ACVR1C: variants seen among roughly 807,000 people sequenced by gnomAD.
ACVR1C encodes the protein activin receptor type-1C.
In ACVR1C, 23 loss-of-function variants were observed where a neutral mutation model predicts 57.9. That is an observed-to-expected ratio of 0.40 (90% CI 0.29 to 0.56). The LOEUF is 0.56. Ranked by LOEUF, ACVR1C falls within the 20% of genes least tolerant of loss-of-function variation. ACVR1C has a pLI of 0.50. For missense variants in ACVR1C, 480 were observed against 607.9 expected, an observed-to-expected ratio of 0.79 and a Z score of 2.21; for synonymous variants, 214 against 215.3, an observed-to-expected ratio of 0.99 and a Z score of 0.05.
chr2:157,556,298 C>T lies in ACVR1C; in HGVS notation c.339G>A (p.Glu113=), dbSNP rs370534975. The change falls in exon 3 of 9, where the codon GAG becomes GAA. Residue 113 remains glutamate, a synonymous_variant. Transcript: ENST00000243349. ...SPNAPKLGPM[E]LAIIITVPVC... ...CAGGCACAGTAATAATGATGGCCAG[C>T]TCCATGGGTCCAAGTTTTGGGGCAT... 356 of 1,614,042 alleles carry T rather than the reference C, an allele frequency of 2.2e-4. No homozygotes were observed. Among genetic ancestry groups the T allele is most frequent in the Non-Finnish European group, 1.1e-4 (125 of 1,180,030 alleles).
In ACVR1C at chr2:157,544,620, GA is replaced by G. The variant is rs753890335; in HGVS notation, c.776-9del. The G allele has an allele frequency of 6.2e-7, 1 of 1,601,604 alleles. No homozygotes were observed. Among genetic ancestry groups the G allele is most frequent in the Non-Finnish European group, 8.5e-7 (1 of 1,173,702 alleles). Reference sequence around the variant, plus strand: ...GAGTCCAAGTTCCATTATCTAACAAGAAAATGTAATTTTGTTGTTGTAAATA... The same window carrying G: ...GAGTCCAAGTTCCATTATCTAACAAGAAATGTAATTTTGTTGTTGTAAATA... On this transcript the variant is annotated splice_polypyrimidine_tract_variant and intron_variant, in intron 4 of 8. Transcript: ENST00000243349.
intron 2 of ACVR1C, among the ~76,000 whole-genome samples, chr2:157,565,027 T>A (rs1054388137): frequency 1.3e-5 from 2 of 151,902 alleles, no homozygotes; most frequent in East Asian, 1.9e-4. Flanking sequence ...AAAACCTAGA[T>A]AATGGGTTGA....
At chr2:157,588,774 T>C (rs1220403204) in intron 1 of ACVR1C, among the ~76,000 whole-genome samples, 1 of 149,692 alleles carries the variant, frequency 6.7e-6, no homozygotes, top group Non-Finnish European at 1.5e-5. Context: ...ACTATTTCAT[T>C]CTTTTTTATG....
chr2:157,554,382 G>C (rs1418336824), intron 3 of ACVR1C, among the ~76,000 whole-genome samples: 1 of 146,368 alleles, frequency 6.8e-6, no homozygotes, highest in African/African-American at 2.6e-5. Flanking sequence ...GAGGGAGGGA[G>C]GGAAGGAAGG....
intron 1 of ACVR1C, among the ~76,000 whole-genome samples, chr2:157,605,944 C>T (rs890950884): frequency 6.6e-6 from 1 of 151,404 alleles, no homozygotes; most frequent in African/African-American, 2.4e-5. Context: ...CCCTCTTCAG[C>T]ACCCCCTCCC....
At chr2:157,574,687 G>C (rs116676804) in intron 2 of ACVR1C, among the ~76,000 whole-genome samples, 1 of 152,088 alleles carries the variant, frequency 6.6e-6, no homozygotes, top group Non-Finnish European at 1.5e-5. Flanking sequence ...CTGCTTTTAC[G>C]TTAATTAGAA....
At chr2:157,618,037 T>G (rs1682692170) in intron 1 of ACVR1C, among the ~76,000 whole-genome samples, 1 of 151,870 alleles carries the variant, frequency 6.6e-6, no homozygotes, top group African/African-American at 2.4e-5. Flanking sequence ...ATATAAACTT[T>G]GATTTATACA....
chr2:157,591,846 A>G (rs1168930373), intron 1 of ACVR1C, among the ~76,000 whole-genome samples: 1 of 152,056 alleles, frequency 6.6e-6, no homozygotes, highest in Non-Finnish European at 1.5e-5. Flanking sequence ...CATTTCATAC[A>G]TAACAAAATG....
intron 1 of ACVR1C, among the ~76,000 whole-genome samples, chr2:157,614,146 A>G (rs1029450435): frequency 6.6e-6 from 1 of 152,150 alleles, no homozygotes; most frequent in Admixed American, 6.5e-5. Context: ...TTAATTGTGA[A>G]CAAAATGCAA....
chr2:157,529,517 G>A lies in ACVR1C; in HGVS notation c.*4401C>T, dbSNP rs1287182029. ...TCAGTAAAAGTTGGGGATATGGCAG[G>A]GAACAGTGCTGGGTGTCACCACCAG... On this transcript the variant is annotated 3_prime_UTR_variant, in exon 9 of 9. Coordinates refer to ENST00000243349, the MANE Select transcript of ACVR1C (RefSeq NM_145259.3). 1 of 152,044 alleles carries A rather than the reference G, an allele frequency of 6.6e-6. No individual in the cohort carries two copies. The highest frequency in any genetic ancestry group is 6.6e-5 in the Admixed American group (1 of 15,236). 9.4% of individuals were successfully genotyped at this position (152,044 alleles called of 1,614,324 possible).
intron 2 of ACVR1C, among the ~76,000 whole-genome samples, chr2:157,581,315 T>A (rs1688784720): frequency 1.3e-5 from 2 of 151,854 alleles, no homozygotes; most frequent in African/African-American, 4.8e-5. Flanking sequence ...ATTGAAATCA[T>A]CAAAGATTCA....
chr2:157,628,576 C>T lies in ACVR1C; in HGVS notation c.69G>A (p.Ser23=). 6.2e-7 allele frequency: 1 copy of T among 1,607,474 alleles called. No individual in the cohort carries two copies. Among genetic ancestry groups the T allele is most frequent in the South Asian group, 1.1e-5 (1 of 90,288 alleles). The change falls in exon 1 of 9, where the codon TCG becomes TCA. Residue 23 remains serine (S), a synonymous_variant. Transcript: ENST00000243349. ...LLLLAAAAEL[S]PGLKCVCLLC... is the part of the protein sequence containing the mutation. ...GGAGAGAAACCAGCACCGTACCTGG[C>T]GAGAGCTCGGCGGCCGCTGCGAGCA...
intron 2 of ACVR1C, among the ~76,000 whole-genome samples, chr2:157,576,835 CTTTTTTTTTTTT>C (rs1166673398): frequency 1.9e-4 from 8 of 41,714 alleles, no homozygotes; most frequent in African/African-American, 8.2e-4. Context: ...TTGAAATTTT[CTTTTTTTTTTTT>C]TTTTTTTTTT....
chr2:157,552,557 T>C (rs1025914462), intron 3 of ACVR1C, among the ~76,000 whole-genome samples: 7 of 152,184 alleles, frequency 4.6e-5, no homozygotes, highest in African/African-American at 1.7e-4. Flanking sequence ...TATAGTCTTA[T>C]CCACATACAT....
At chr2:157,579,638 T>C (rs1325046106) in intron 2 of ACVR1C, among the ~76,000 whole-genome samples, 1 of 152,208 alleles carries the variant, frequency 6.6e-6, no homozygotes, top group Non-Finnish European at 1.5e-5. Context: ...ATATGCTCTT[T>C]CCTGTTGTCC....
At chr2:157,616,940 A>G (rs2105154621) in intron 1 of ACVR1C, among the ~76,000 whole-genome samples, 1 of 152,168 alleles carries the variant, frequency 6.6e-6, no homozygotes, top group South Asian at 2.1e-4. Flanking sequence ...AAAAAGAAAA[A>G]TAAATAGCAA....
chr2:157,531,655 T>C lies in ACVR1C; in HGVS notation c.*2263A>G, dbSNP rs1304984129. 1.3e-5 allele frequency: 2 copies of C among 152,112 alleles called. No homozygotes were observed. Among genetic ancestry groups the C allele is most frequent in the East Asian group, 3.8e-4 (2 of 5,204 alleles). 9.4% of individuals were successfully genotyped at this position (152,112 alleles called of 1,614,324 possible). Reference sequence around the variant, plus strand: ...TTCTTATATATGCAGAAAAACAATCTATGAGAAATTAGTAACAAGAACAAG... The same window carrying C: ...TTCTTATATATGCAGAAAAACAATCCATGAGAAATTAGTAACAAGAACAAG... On this transcript the variant is annotated 3_prime_UTR_variant, in exon 9 of 9. Coordinates refer to ENST00000243349, the MANE Select transcript of ACVR1C (RefSeq NM_145259.3).
At chr2:157,585,071 T>G (rs1285468857) in intron 2 of ACVR1C, among the ~76,000 whole-genome samples, 1 of 152,168 alleles carries the variant, frequency 6.6e-6, no homozygotes, top group African/African-American at 2.4e-5. Flanking sequence ...AATAGATCAG[T>G]GGTCTAGCCC....
At chr2:157,573,900 G>T (rs1035399280) in intron 2 of ACVR1C, among the ~76,000 whole-genome samples, 5 of 152,246 alleles carry the variant, frequency 3.3e-5, no homozygotes, top group African/African-American at 1.2e-4. Context: ...ATACAAAATT[G>T]TATTAAACAG....
Sources: allele counts gnomAD v4.1 joint callset (sites outside exome capture counted in the v4.1 genomes callset), GRCh38; gene constraint gnomAD v4.1.1; transcripts MANE v1.5; gene names NCBI Gene and HGNC (gene_info 2026-07-23, HGNC 2026-07-21).